The following SPIRE1 variants were observed in gnomAD, a reference collection of about 807,000 sequenced individuals.
SPIRE1 encodes the protein protein spire homolog 1.
Under a neutral mutation model 94.1 loss-of-function variants are expected in SPIRE1, and 40 were observed. That is an observed-to-expected ratio of 0.43 (90% confidence interval 0.33 to 0.55). SPIRE1 has a LOEUF of 0.55. Ranked by LOEUF, SPIRE1 falls within the 20% of genes least tolerant of loss-of-function variation. The pLI is 0.06. For synonymous variants in SPIRE1, 376 were observed against 371.7 expected (o/e 1.01, Z -0.13); for missense variants, 838 against 975.2 (o/e 0.86, Z 1.87).
At chr18:12,621,872 A>T (rs918132138) in intron 2 of SPIRE1, among the ~76,000 whole-genome samples, 4 of 152,176 alleles carry the variant, frequency 2.6e-5, no homozygotes, top group Non-Finnish European at 5.9e-5. Flanking sequence ...AAAAAATTAG[A>T]AACATCATCA....
intron 9 of SPIRE1, among the ~76,000 whole-genome samples, chr18:12,484,205 G>A (rs1002396754): frequency 3.3e-5 from 5 of 152,064 alleles, no homozygotes; most frequent in African/African-American, 7.2e-5. Context: ...TTCTTATTAC[G>A]GTCCAACTAA....
intron 3 of SPIRE1, among the ~76,000 whole-genome samples, chr18:12,536,604 A>G (rs183714665): frequency 1.3e-5 from 2 of 152,248 alleles, no homozygotes; most frequent in East Asian, 3.9e-4. Context: ...GGCAGAGGGC[A>G]ATGTAAGGCC....
At chr18:12,536,031 A>G (rs1490399798) in intron 3 of SPIRE1, among the ~76,000 whole-genome samples, 2 of 152,154 alleles carry the variant, frequency 1.3e-5, no homozygotes, top group Non-Finnish European at 2.9e-5. Flanking sequence ...GGCAATTCCC[A>G]TCATCCAGGG....
intron 4 of SPIRE1, among the ~76,000 whole-genome samples, chr18:12,529,351 A>G (rs936923132): frequency 6.6e-6 from 1 of 150,800 alleles, no homozygotes; most frequent in African/African-American, 2.4e-5. Flanking sequence ...CTTAGACGAC[A>G]GAGCAAGACT....
intron 8 of SPIRE1, among the ~76,000 whole-genome samples, chr18:12,491,037 T>A (rs558128): frequency 0.45 from 68,340 of 151,374 alleles, 17,283 homozygotes; most frequent in African/African-American, 0.69. Context: ...TCCATAAAAA[T>A]TTTTTTCAAT....
chr18:12,624,530 A>C (rs9967123), intron 2 of SPIRE1, among the ~76,000 whole-genome samples: 1 of 140,154 alleles, frequency 7.1e-6, no homozygotes, highest in African/African-American at 2.7e-5. Flanking sequence ...GTGACAGAGC[A>C]AGACACTGAC....
At chr18:12,639,257 T>C (rs948529272) in intron 1 of SPIRE1, among the ~76,000 whole-genome samples, 3 of 149,508 alleles carry the variant, frequency 2.0e-5, no homozygotes, top group African/African-American at 7.3e-5. Context: ...ACAGCGCCAC[T>C]CCATCTCAAA....
intron 16 of SPIRE1, chr18:12,450,748 G>T: frequency 1.4e-6 from 1 of 694,050 alleles, no homozygotes; most frequent in Non-Finnish European, 2.6e-6. Flanking sequence ...GATTCTTCCT[G>T]CTCTGTTCAG....
At chr18:12,639,327 G>A (rs2038022262) in intron 1 of SPIRE1, among the ~76,000 whole-genome samples, 1 of 152,094 alleles carries the variant, frequency 6.6e-6, no homozygotes, top group Non-Finnish European at 1.5e-5. Flanking sequence ...CATTCCTTAG[G>A]TCTGGTGCAG....
chr18:12,589,626 T>TA (rs2036476366), intron 2 of SPIRE1, among the ~76,000 whole-genome samples: 3 of 152,112 alleles, frequency 2.0e-5, no homozygotes, highest in Admixed American at 1.3e-4. Context: ...TCATCATTTC[T>TA]AAAAAAATCT....
At chr18:12,634,265 A>T (rs8090040) in intron 2 of SPIRE1, among the ~76,000 whole-genome samples, 4,829 of 143,678 alleles carry the variant, frequency 0.034, 262 homozygotes, top group African/African-American at 0.11. Context: ...AAATAAAAAA[A>T]AAAAAAAATA....
intron 10 of SPIRE1, among the ~76,000 whole-genome samples, chr18:12,478,582 G>A (rs73403722): frequency 0.015 from 2,234 of 146,282 alleles, 50 homozygotes; most frequent in African/African-American, 0.052. Context: ...AAGCTAGGGT[G>A]TGTATGTATG....
rs1258667592 is a variant in SPIRE1, at chr18:12,452,250, C to T, written c.2012+5G>A. The T allele has an allele frequency of 6.2e-7, 1 of 1,613,536 alleles. No homozygotes were observed. On this transcript the variant is annotated splice_donor_5th_base_variant and intron_variant, in intron 16 of 16. Transcript: ENST00000409402. ...ATGGTTTGACAACCCAGGCCCCTTG[C>T]TCACCTGGCAATGCTCCGAAGTGGC...
chr18:12,497,069 AAAC>A (rs998272558), intron 6 of SPIRE1, among the ~76,000 whole-genome samples: 11 of 151,988 alleles, frequency 7.2e-5, no homozygotes, highest in Non-Finnish European at 8.8e-5. Context: ...CTCTGTCGCA[AAAC>A]AACAACAACA....
intron 2 of SPIRE1, among the ~76,000 whole-genome samples, chr18:12,608,188 A>G (rs1197181496): frequency 6.6e-6 from 1 of 151,338 alleles, no homozygotes; most frequent in Non-Finnish European, 1.5e-5. Flanking sequence ...CACCTACTCC[A>G]TAAATATATC....
chr18:12,536,323 T>G (rs553468263), intron 3 of SPIRE1, among the ~76,000 whole-genome samples: 1 of 152,286 alleles, frequency 6.6e-6, no homozygotes, highest in African/African-American at 2.4e-5. Flanking sequence ...TACCATTTAC[T>G]CTTCAATGTA....
chr18:12,626,270 C>G (rs1408622162), intron 2 of SPIRE1, among the ~76,000 whole-genome samples: 2 of 152,130 alleles, frequency 1.3e-5, no homozygotes, highest in Admixed American at 6.5e-5. Flanking sequence ...AAAAACTGTA[C>G]ATAACCAGAT....
chr18:12,658,605 T>G (rs917951480), upstream of SPIRE1: 2 of 470,552 alleles, frequency 4.3e-6, no homozygotes, highest in Non-Finnish European at 8.8e-6. Flanking sequence ...GGTTGAAAAC[T>G]TGAACCCGCC....
At chr18:12,599,270 T>C (rs2036765565) in intron 2 of SPIRE1, among the ~76,000 whole-genome samples, 1 of 152,198 alleles carries the variant, frequency 6.6e-6, no homozygotes, top group African/African-American at 2.4e-5. Flanking sequence ...TTTTTTCTTT[T>C]TTTGAGACAG....
Sources: allele counts gnomAD v4.1 joint callset (sites outside exome capture counted in the v4.1 genomes callset), GRCh38; gene constraint gnomAD v4.1.1; transcripts MANE v1.5; gene names NCBI Gene and HGNC (gene_info 2026-07-23, HGNC 2026-07-21).